SYCP1: variants seen among roughly 807,000 people sequenced by gnomAD.
SYCP1 encodes synaptonemal complex protein 1.
Under a neutral mutation model 153.1 loss-of-function variants are expected in SYCP1, and 64 were observed. The observed-to-expected ratio is 0.42, with a 90% confidence interval of 0.34 to 0.51. The LOEUF (loss-of-function observed/expected upper bound fraction) is 0.51, where lower values mean the gene tolerates loss of function less well. Among genes scored for constraint, SYCP1 ranks in the 20% least tolerant of loss-of-function variants. The pLI, the probability that SYCP1 is intolerant of heterozygous loss-of-function variation, is 0.06. For missense variants in SYCP1, 997 were observed against 1,049.0 expected, an observed-to-expected ratio of 0.95 and a Z score of 0.68; for synonymous variants, 384 against 341.8, an observed-to-expected ratio of 1.12 and a Z score of -1.36.
chr1:114,974,280 T>A (rs1672675601), intron 27 of SYCP1, among the ~76,000 whole-genome samples: 1 of 151,974 alleles, frequency 6.6e-6, no homozygotes, highest in Admixed American at 6.6e-5. Flanking sequence ...TGCTGGCCAA[T>A]ATTTTATTTA....
intron 16 of SYCP1, among the ~76,000 whole-genome samples, chr1:114,903,794 A>G (rs1667630047): frequency 6.6e-6 from 1 of 152,212 alleles, no homozygotes; most frequent in Admixed American, 6.5e-5. Context: ...AGGTCGTAGT[A>G]GTAGTGAGAA....
chr1:114,980,368 G>A (rs530356032), intron 28 of SYCP1, among the ~76,000 whole-genome samples: 4 of 151,960 alleles, frequency 2.6e-5, no homozygotes, highest in African/African-American at 4.8e-5. Flanking sequence ...TGTATACAAA[G>A]GTAGAGTGAA....
chr1:114,940,396 C>T (rs1670311195), intron 23 of SYCP1, among the ~76,000 whole-genome samples: 1 of 152,124 alleles, frequency 6.6e-6, no homozygotes, highest in African/African-American at 2.4e-5. Context: ...TGTGCCCAGA[C>T]CTATCTTAAG....
intron 28 of SYCP1, among the ~76,000 whole-genome samples, chr1:114,980,498 C>T (rs570354832): frequency 6.6e-6 from 1 of 151,984 alleles, no homozygotes; most frequent in African/African-American, 2.4e-5. Flanking sequence ...AAATTTTTCT[C>T]ATTCTTTACT....
intron 30 of SYCP1, among the ~76,000 whole-genome samples, chr1:114,992,539 T>TG (rs1673996315): frequency 6.6e-6 from 1 of 151,586 alleles, no homozygotes; most frequent in Non-Finnish European, 1.5e-5. Context: ...GACCATTCAA[T>TG]GGGGAAGGAA....
intron 23 of SYCP1, among the ~76,000 whole-genome samples, chr1:114,942,726 T>G (rs1332755781): frequency 6.6e-6 from 1 of 151,952 alleles, no homozygotes; most frequent in African/African-American, 2.4e-5. Flanking sequence ...TCAAAACATT[T>G]GAAGAAGATG....
chr1:114,904,363 A>G (rs1050145973), intron 16 of SYCP1, among the ~76,000 whole-genome samples: 1 of 151,890 alleles, frequency 6.6e-6, no homozygotes, highest in Non-Finnish European at 1.5e-5. Flanking sequence ...TGATCTGCCC[A>G]CCTCGGCCTC....
chr1:114,898,398 G>A (rs1222080187), intron 16 of SYCP1, among the ~76,000 whole-genome samples: 1 of 152,140 alleles, frequency 6.6e-6, no homozygotes, highest in African/African-American at 2.4e-5. Context: ...GAAACCTCCA[G>A]GTGATGGGCA....
intron 23 of SYCP1, among the ~76,000 whole-genome samples, chr1:114,935,016 A>C (rs1276949743): frequency 6.6e-6 from 1 of 152,176 alleles, no homozygotes; most frequent in Non-Finnish European, 1.5e-5. Context: ...AAAGTTAACA[A>C]GGATATCCAG....
At chr1:114,881,505 T>A (rs965342524) in intron 12 of SYCP1, among the ~76,000 whole-genome samples, 1 of 119,438 alleles carries the variant, frequency 8.4e-6, no homozygotes, top group Non-Finnish European at 1.7e-5. Flanking sequence ...GGTATTATCC[T>A]TCCTTCCTTC....
chr1:114,873,046 C>T (rs1665264395), intron 8 of SYCP1, among the ~76,000 whole-genome samples: 1 of 150,344 alleles, frequency 6.7e-6, no homozygotes, highest in South Asian at 2.1e-4. Context: ...AATTGCTTAT[C>T]TATTCTTGCG....
intron 12 of SYCP1, among the ~76,000 whole-genome samples, chr1:114,882,939 C>T (rs1395280493): frequency 6.6e-6 from 1 of 152,156 alleles, no homozygotes; most frequent in East Asian, 1.9e-4. Flanking sequence ...ACTTCTTAGA[C>T]ACCCTCTACC....
rs1003923216 is a variant in SYCP1, at chr1:114,918,626, G to A, written c.1718+4581G>A. 1.4e-4 allele frequency among the ~76,000 whole-genome samples: 22 copies of A among 152,110 alleles called. No homozygotes were observed. The East Asian group carries it at 2.1e-3, about 15-fold the overall frequency. On this transcript the variant is annotated intron_variant, in intron 20 of 31. Transcript: ENST00000369522. Reference sequence around the variant, plus strand: ...ATTGATTGTTCCAGTCCGTGAACACGTAGTGTCTTTCCTTTTTTTGTGTGT... The same window carrying A: ...ATTGATTGTTCCAGTCCGTGAACACATAGTGTCTTTCCTTTTTTTGTGTGT...
intron 19 of SYCP1, 138 bp from the exon 20 acceptor site, chr1:114,913,837 A>G: frequency 3.8e-6 from 2 of 526,540 alleles, no homozygotes; most frequent in Non-Finnish European, 6.5e-6. Context: ...ATGGAACTAT[A>G]CAAGTTGAAA....
At chr1:114,940,617 T>G (rs1260581592) in intron 23 of SYCP1, among the ~76,000 whole-genome samples, 1 of 152,188 alleles carries the variant, frequency 6.6e-6, no homozygotes, top group Non-Finnish European at 1.5e-5. Flanking sequence ...ATAACTGAAT[T>G]GTTACTAGAG....
intron 30 of SYCP1, among the ~76,000 whole-genome samples, chr1:114,993,509 T>C (rs1336556751): frequency 1.3e-5 from 2 of 151,550 alleles, no homozygotes; most frequent in African/African-American, 4.8e-5. Context: ...CATTACTTAA[T>C]ATTTGTATGC....
chr1:114,857,446 T>A lies in SYCP1; in HGVS notation c.240T>A (p.Val80=), dbSNP rs2101264225. ...KVNFLPVLEQ[V]GNSDCHYQEG... is the part of the protein sequence containing the mutation. ...TATAGAAACATCTATCTTTTTAGGTTGGTAATTCTGACTGTCACTATCAGG... is the reference window on the plus strand; with the variant it reads ...TATAGAAACATCTATCTTTTTAGGTAGGTAATTCTGACTGTCACTATCAGG... The change falls in exon 5 of 32, where the codon GTT becomes GTA. Residue 80 remains valine, a splice_region_variant and synonymous_variant. Coordinates refer to ENST00000369522, the MANE Select transcript of SYCP1 (RefSeq NM_003176.4). 3 of 1,598,952 alleles carry A rather than the reference T, an allele frequency of 1.9e-6. No homozygotes were observed. The East Asian group carries it at 6.7e-5, about 36-fold the overall frequency.
intron 16 of SYCP1, among the ~76,000 whole-genome samples, chr1:114,908,945 C>G (rs1330529371): frequency 6.6e-6 from 1 of 152,090 alleles, no homozygotes; most frequent in Non-Finnish European, 1.5e-5. Flanking sequence ...TATGTAGATT[C>G]TGTTACATTC....
intron 20 of SYCP1, among the ~76,000 whole-genome samples, chr1:114,918,243 G>A (rs1378822029): frequency 2.0e-5 from 3 of 151,980 alleles, no homozygotes; most frequent in Non-Finnish European, 4.4e-5. Context: ...TGTGTATCGA[G>A]ACTATCCTTT....
Sources: gnomAD v4.1 joint callset for allele counts (sites outside exome capture counted in the v4.1 genomes callset) on GRCh38, gnomAD v4.1.1 for gene constraint, MANE v1.5 for transcripts, NCBI Gene and HGNC (gene_info 2026-07-23, HGNC 2026-07-21) for gene names.